The following MYO1D variants were observed in gnomAD, a reference collection of about 807,000 sequenced individuals.
MYO1D encodes the protein unconventional myosin-Id.
In MYO1D, 83 loss-of-function variants were observed where a neutral mutation model predicts 122.0. The observed-to-expected ratio is 0.68, with a 90% confidence interval of 0.57 to 0.82. The LOEUF (loss-of-function observed/expected upper bound fraction) is 0.82, where lower values mean the gene tolerates loss of function less well. MYO1D is among the 40% of genes least tolerant of loss of function. The probability of loss-of-function intolerance (pLI) is 0.00; values close to 1 mark genes in which losing one functional copy is unlikely to be tolerated. For missense variants in MYO1D, 1,157 were observed against 1,269.5 expected (o/e 0.91, Z 1.35); for synonymous variants, 464 against 446.9 (o/e 1.04, Z -0.48).
At chr17:32,822,503 G>GCA (rs2151058878) in intron 1 of MYO1D, among the ~76,000 whole-genome samples, 2 of 150,978 alleles carry the variant, frequency 1.3e-5, no homozygotes, top group South Asian at 4.2e-4. Context: ...CGGTCGGCGC[G>GCA]CCGCTTCTTC....
At chr17:32,827,112 T>C (rs923305624) in intron 1 of MYO1D, among the ~76,000 whole-genome samples, 24 of 152,170 alleles carry the variant, frequency 1.6e-4, no homozygotes, top group Non-Finnish European at 2.8e-4. Context: ...GCATTATTCA[T>C]AATAGCCAAA....
intron 14 of MYO1D, among the ~76,000 whole-genome samples, chr17:32,722,467 T>C (rs1193399860): frequency 6.6e-6 from 1 of 152,248 alleles, no homozygotes; most frequent in Non-Finnish European, 1.5e-5. Context: ...CCTTGGCTGG[T>C]GGCCCCCTTC....
At chr17:32,862,937 T>C (rs2091090386) in intron 1 of MYO1D, 1 of 152,156 alleles carries the variant, frequency 6.6e-6, no homozygotes, top group Non-Finnish European at 1.5e-5. Flanking sequence ...AATCACCATC[T>C]CCAGAAGACA....
chr17:32,829,154 A>T (rs2090750057), intron 1 of MYO1D, among the ~76,000 whole-genome samples: 2 of 152,238 alleles, frequency 1.3e-5, no homozygotes, highest in African/African-American at 2.4e-5. Flanking sequence ...GCAAAAAGAG[A>T]GTCATCTAAC....
At chr17:32,723,528 A>C (rs1032070090) in intron 14 of MYO1D, among the ~76,000 whole-genome samples, 2 of 151,562 alleles carry the variant, frequency 1.3e-5, no homozygotes, top group African/African-American at 4.9e-5. Flanking sequence ...TAAGAGGTGG[A>C]GTCTCTACAC....
At chr17:32,628,208 T>C (rs901402798) in intron 20 of MYO1D, among the ~76,000 whole-genome samples, 1 of 152,224 alleles carries the variant, frequency 6.6e-6, no homozygotes, top group Non-Finnish European at 1.5e-5. Context: ...CAACTAATGC[T>C]TTAATTCAAT....
intron 14 of MYO1D, among the ~76,000 whole-genome samples, chr17:32,731,753 G>A (rs1360832912): frequency 2.0e-5 from 3 of 152,198 alleles, no homozygotes; most frequent in African/African-American, 7.2e-5. Flanking sequence ...CGCACTTCCT[G>A]GGTGCAGCTG....
chr17:32,663,206 C>T (rs935645442), intron 16 of MYO1D, among the ~76,000 whole-genome samples: 6 of 152,110 alleles, frequency 3.9e-5, no homozygotes, highest in Non-Finnish European at 5.9e-5. Flanking sequence ...TGTGAGCCAC[C>T]GCACCCGGCA....
At chr17:32,529,142 G>A in intron 21 of MYO1D, 1 of 151,922 alleles carries the variant, frequency 6.6e-6, no homozygotes, top group Non-Finnish European at 1.5e-5. Context: ...ATGTGCGCGT[G>A]CACACACACA....
intron 21 of MYO1D, among the ~76,000 whole-genome samples, chr17:32,582,714 A>G (rs956475111): frequency 2.0e-5 from 3 of 152,180 alleles, no homozygotes; most frequent in Admixed American, 1.3e-4. Context: ...CTGATTTTCT[A>G]TTGACTTGTT....
chr17:32,855,652 C>T (rs977567477), intron 1 of MYO1D, among the ~76,000 whole-genome samples: 1 of 152,206 alleles, frequency 6.6e-6, no homozygotes, highest in African/African-American at 2.4e-5. Flanking sequence ...TTTATTTCTA[C>T]ACTGCAGAAG....
intron 14 of MYO1D, among the ~76,000 whole-genome samples, chr17:32,723,990 G>A (rs1464831849): frequency 6.6e-6 from 1 of 152,134 alleles, no homozygotes; most frequent in Non-Finnish European, 1.5e-5. Context: ...ATAGTGATGT[G>A]TGATCAAACG....
At chr17:32,606,953 G>A (rs1359097483) in intron 20 of MYO1D, among the ~76,000 whole-genome samples, 1 of 152,034 alleles carries the variant, frequency 6.6e-6, no homozygotes, top group Non-Finnish European at 1.5e-5. Context: ...TGAGGTCAGG[G>A]GTTCGAGACC....
At chr17:32,764,646 C>A (rs1240322357) in intron 8 of MYO1D, among the ~76,000 whole-genome samples, 1 of 152,168 alleles carries the variant, frequency 6.6e-6, no homozygotes, top group African/African-American at 2.4e-5. Context: ...GCACGTGAAG[C>A]CCTCATGAGC....
chr17:32,676,159 T>G (rs2088805918), intron 16 of MYO1D, among the ~76,000 whole-genome samples: 1 of 152,212 alleles, frequency 6.6e-6, no homozygotes, highest in Admixed American at 6.5e-5. Context: ...GAATTGCTGT[T>G]GTAATCCCTT....
chr17:32,582,090 T>C (rs1309546736), intron 21 of MYO1D, among the ~76,000 whole-genome samples: 1 of 151,972 alleles, frequency 6.6e-6, no homozygotes, highest in Non-Finnish European at 1.5e-5. Flanking sequence ...TTTTTGTAAT[T>C]TTTTAGTAGA....
chr17:32,676,229 T>G (rs977249431), intron 16 of MYO1D, among the ~76,000 whole-genome samples: 1 of 152,184 alleles, frequency 6.6e-6, no homozygotes, highest in Non-Finnish European at 1.5e-5. Context: ...TATAAATAGT[T>G]TAAAAGAATT....
Position 32,791,691 on chromosome 17 carries a change from G to A in MYO1D, c.96-10907C>T, listed in dbSNP as rs1035628417. On this transcript the variant is annotated intron_variant, in intron 1 of 21. Coordinates refer to ENST00000318217, the MANE Select transcript of MYO1D (RefSeq NM_015194.3). ...ACAAAAGGGGGTTTCTTGTAGTATC[G>A]TCTACCTTTTTTGTAAATTTGAAAT... Among the ~76,000 whole-genome samples, 10 of 152,142 alleles carry A rather than the reference G, an allele frequency of 6.6e-5. 1 individual carries two copies. The highest frequency in any genetic ancestry group is 1.3e-4 in the Non-Finnish European group (9 of 67,998).
At chr17:32,566,136 AG>A (rs2087171556) in intron 21 of MYO1D, among the ~76,000 whole-genome samples, 1 of 152,152 alleles carries the variant, frequency 6.6e-6, no homozygotes, top group African/African-American at 2.4e-5. Context: ...ACGGGGAGGT[AG>A]ACACAGTCCT....
Sources: gnomAD v4.1 joint callset for allele counts (sites outside exome capture counted in the v4.1 genomes callset) on GRCh38, gnomAD v4.1.1 for gene constraint, MANE v1.5 for transcripts, NCBI Gene and HGNC (gene_info 2026-07-23, HGNC 2026-07-21) for gene names.